KIF3A: variants seen among roughly 807,000 people sequenced by gnomAD.
KIF3A encodes kinesin family member 3A.
Under a neutral mutation model 92.6 loss-of-function variants are expected in KIF3A, and 27 were observed. The observed-to-expected ratio is 0.29, with a 90% CI of 0.21 to 0.40. The LOEUF is 0.40. KIF3A is among the 10% of genes least tolerant of loss of function. The probability of loss-of-function intolerance (pLI) is 1.00; values close to 1 mark genes in which losing one functional copy is unlikely to be tolerated. For synonymous variants in KIF3A, 250 were observed against 275.4 expected, an observed-to-expected ratio of 0.91 and a Z score of 0.92; for missense variants, 581 against 872.6, an observed-to-expected ratio of 0.67 and a Z score of 4.21.
At chr5:132,717,090 G>T in intron 5 of KIF3A, 106 bp from the exon 6 acceptor site, 1 of 1,101,496 alleles carries the variant, frequency 9.1e-7, no homozygotes, top group Non-Finnish European at 1.3e-6. Context: ...ACAATCAAAA[G>T]CCAGAGAGCA....
intron 4 of KIF3A, among the ~76,000 whole-genome samples, chr5:132,725,494 T>C (rs1754005966): frequency 6.6e-6 from 1 of 152,148 alleles, no homozygotes; most frequent in Non-Finnish European, 1.5e-5. Flanking sequence ...TTGCTCAAGA[T>C]CAGAGCCAGA....
intron 1 of KIF3A, among the ~76,000 whole-genome samples, 188 bp downstream of exon 1, chr5:132,737,226 G>A (rs2149927161): frequency 6.6e-6 from 1 of 152,328 alleles, no homozygotes; most frequent in Admixed American, 6.5e-5. Context: ...TCCCTGTCGA[G>A]GCCGGCCGGA....
At chr5:132,708,823 G>A (rs1484580715) in intron 10 of KIF3A, 84 bp downstream of exon 10, 1 of 814,870 alleles carries the variant, frequency 1.2e-6, no homozygotes, top group East Asian at 2.7e-5. Flanking sequence ...TAATGACAGG[G>A]AGTGGTGCAG....
chr5:132,700,109 G>C (rs1752981498), intron 17 of KIF3A, 107 bp downstream of exon 17: 1 of 673,780 alleles, frequency 1.5e-6, no homozygotes, highest in Non-Finnish European at 2.5e-6. Flanking sequence ...TTTCAGCAGA[G>C]CTGATTAACA....
At chr5:132,702,813 T>TA (rs1209856918) in intron 13 of KIF3A, 72 bp downstream of exon 13, 1 of 1,437,022 alleles carries the variant, frequency 7.0e-7, no homozygotes, top group East Asian at 2.3e-5. Flanking sequence ...CGATTATAGA[T>TA]ATTTAGCTTT....
In KIF3A at chr5:132,696,058, A is replaced by C. The variant is rs1245610541; in HGVS notation, c.*576T>G. The C allele has an allele frequency of 6.5e-6, 1 of 152,804 alleles. No individual in the cohort carries two copies. Among genetic ancestry groups the C allele is most frequent in the Non-Finnish European group, 1.5e-5 (1 of 68,040 alleles). 9.5% of individuals were successfully genotyped at this position (152,804 alleles called of 1,614,324 possible). ...CATGTATACTCGCAAAGACTGTTAA[A>C]TTATAACATTTTCTACAAAACATTC... On this transcript the variant is annotated 3_prime_UTR_variant, in exon 19 of 19. Coordinates refer to ENST00000403231, the MANE Select transcript of KIF3A (RefSeq NM_001300791.2).
chr5:132,723,894 T>A (rs1228611389), intron 4 of KIF3A, among the ~76,000 whole-genome samples: 1 of 152,186 alleles, frequency 6.6e-6, no homozygotes, highest in Non-Finnish European at 1.5e-5. Flanking sequence ...TTTTGCAATC[T>A]ACTCATCTGA....
intron 9 of KIF3A, among the ~76,000 whole-genome samples, chr5:132,710,494 T>C (rs1715649262): frequency 6.6e-6 from 1 of 152,192 alleles, no homozygotes; most frequent in Admixed American, 6.5e-5. Flanking sequence ...CATTTGCCTA[T>C]AGTCCCAGCT....
chr5:132,732,374 G>GT (rs1223545216), intron 2 of KIF3A, among the ~76,000 whole-genome samples: 20 of 152,146 alleles, frequency 1.3e-4, no homozygotes, highest in African/African-American at 4.3e-4. Flanking sequence ...AATGTTCAAA[G>GT]TAACATTATC....
chr5:132,704,035 A>C (rs574964512), intron 11 of KIF3A, among the ~76,000 whole-genome samples: 2 of 151,898 alleles, frequency 1.3e-5, no homozygotes, highest in Non-Finnish European at 2.9e-5. Flanking sequence ...GACTCCTTAA[A>C]ATATCTTCCC....
At chr5:132,737,108 G>A (rs1754420586) in intron 1 of KIF3A, among the ~76,000 whole-genome samples, 1 of 152,246 alleles carries the variant, frequency 6.6e-6, no homozygotes, top group Non-Finnish European at 1.5e-5. Context: ...CCGCTCAGCA[G>A]GAAGGGCTGC....
chr5:132,706,775 C>T (rs1214993979), intron 10 of KIF3A, among the ~76,000 whole-genome samples: 3 of 152,100 alleles, frequency 2.0e-5, no homozygotes, highest in Non-Finnish European at 2.9e-5. Context: ...CAGTTCAACA[C>T]CATGTGGTTA....
At chr5:132,711,804 C>G (rs1043860282) in intron 8 of KIF3A, among the ~76,000 whole-genome samples, 1 of 152,074 alleles carries the variant, frequency 6.6e-6, no homozygotes, top group Non-Finnish European at 1.5e-5. Flanking sequence ...AATGATCCCA[C>G]TTTTAGGACT....
At chr5:132,703,718 A>G (rs1449355106) in intron 11 of KIF3A, 99 bp from the exon 12 acceptor site, 4 of 751,814 alleles carry the variant, frequency 5.3e-6, no homozygotes, top group South Asian at 2.1e-5. Flanking sequence ...ACACTCCTCA[A>G]TAATACAAAA....
chr5:132,691,021 G>C (rs1752649935), downstream of KIF3A, among the ~76,000 whole-genome samples: 1 of 152,318 alleles, frequency 6.6e-6, no homozygotes, highest in South Asian at 2.1e-4. Flanking sequence ...AAGCCTGCCA[G>C]TCACAGTGCC....
At chr5:132,701,423 C>T (rs1042314722) in intron 15 of KIF3A, among the ~76,000 whole-genome samples, 4 of 146,520 alleles carry the variant, frequency 2.7e-5, no homozygotes, top group Non-Finnish European at 5.9e-5. Context: ...CACTTGAACC[C>T]GGGAAGTGAA....
At chr5:132,710,616 AAAAC>A (rs536237180) in intron 9 of KIF3A, among the ~76,000 whole-genome samples, 16 of 152,304 alleles carry the variant, frequency 1.1e-4, no homozygotes, top group South Asian at 6.2e-4. Context: ...ACTCCGTCTC[AAAAC>A]AAACAAACAA....
At chr5:132,709,300 G>A (rs1753333975) in intron 9 of KIF3A, among the ~76,000 whole-genome samples, 1 of 152,168 alleles carries the variant, frequency 6.6e-6, no homozygotes, top group South Asian at 2.1e-4. Context: ...GTCATTTGGT[G>A]AGATTTTAGT....
chr5:132,726,569 T>C, intron 2 of KIF3A, 71 bp from the exon 3 acceptor site: 1 of 1,330,894 alleles, frequency 7.5e-7, no homozygotes, highest in Non-Finnish European at 1.1e-6. Flanking sequence ...TTAAAATTAA[T>C]TCCTTTGACA....
Sources: allele counts gnomAD v4.1 joint callset (sites outside exome capture counted in the v4.1 genomes callset), GRCh38; gene constraint gnomAD v4.1.1; transcripts MANE v1.5; gene names NCBI Gene and HGNC (gene_info 2026-07-23, HGNC 2026-07-21).